The following CADPS variants were observed in gnomAD, a reference collection of about 807,000 sequenced individuals.
The protein encoded by CADPS is calcium-dependent secretion activator 1.
CADPS carries 57 observed loss-of-function variants against 167.3 expected under a neutral mutation model. The observed-to-expected ratio is 0.34, with a 90% confidence interval of 0.28 to 0.42. The LOEUF is 0.42. Among genes scored for constraint, CADPS ranks in the 20% least tolerant of loss-of-function variants. The probability of loss-of-function intolerance (pLI) is 1.00; values close to 1 mark genes in which losing one functional copy is unlikely to be tolerated. For synonymous variants in CADPS, 676 were observed against 635.3 expected (o/e 1.06, Z -0.96); for missense variants, 1,414 against 1,738.1 (o/e 0.81, Z 3.32).
intron 24 of CADPS, chr3:62,466,723 T>C (rs113460023): frequency 2.8e-6 from 1 of 361,728 alleles, no homozygotes; most frequent in African/African-American, 2.1e-5. Flanking sequence ...GTGTGTTGAT[T>C]TGGATCTTAC....
intron 27 of CADPS, among the ~76,000 whole-genome samples, chr3:62,445,422 C>A (rs2057039259): frequency 6.6e-6 from 1 of 152,088 alleles, no homozygotes; most frequent in African/African-American, 2.4e-5. Flanking sequence ...AGCTTCATGG[C>A]TTTCCTCTGA....
At chr3:62,406,069 A>C (rs898549861) in intron 28 of CADPS, among the ~76,000 whole-genome samples, 1 of 152,262 alleles carries the variant, frequency 6.6e-6, no homozygotes, top group Non-Finnish European at 1.5e-5. Flanking sequence ...TAGCCACAGC[A>C]TTGAAAGAGC....
At chr3:62,402,048 A>G (rs960333597) in intron 29 of CADPS, among the ~76,000 whole-genome samples, 1 of 152,138 alleles carries the variant, frequency 6.6e-6, no homozygotes, top group Non-Finnish European at 1.5e-5. Context: ...CTAAGTGTAT[A>G]CATTCGTTTT....
chr3:62,777,963 C>G (rs1247233696), intron 1 of CADPS, among the ~76,000 whole-genome samples: 6 of 152,176 alleles, frequency 3.9e-5, no homozygotes, highest in African/African-American at 1.4e-4. Flanking sequence ...GTTTCAGAGA[C>G]TTTTCTCCAC....
At chr3:62,580,130 T>G (rs1485156579) in intron 8 of CADPS, among the ~76,000 whole-genome samples, 1 of 152,170 alleles carries the variant, frequency 6.6e-6, no homozygotes, top group Non-Finnish European at 1.5e-5. Flanking sequence ...TAAAGACACA[T>G]GCACACGTAT....
intron 1 of CADPS, among the ~76,000 whole-genome samples, chr3:62,860,550 A>AT (rs1216666229): frequency 6.6e-6 from 1 of 152,124 alleles, no homozygotes; most frequent in African/African-American, 2.4e-5. Context: ...TCCTGCTAAT[A>AT]TTATATTTTC....
At chr3:62,419,991 C>G (rs901156370) in intron 28 of CADPS, among the ~76,000 whole-genome samples, 4 of 152,072 alleles carry the variant, frequency 2.6e-5, no homozygotes, top group African/African-American at 9.7e-5. Flanking sequence ...TAGGAAAATT[C>G]AAATTGACTT....
At chr3:62,820,760 C>A (rs1408546056) in intron 1 of CADPS, among the ~76,000 whole-genome samples, 2 of 151,366 alleles carry the variant, frequency 1.3e-5, no homozygotes, top group South Asian at 2.1e-4. Context: ...CTTTACTAGA[C>A]AATTCCTACT....
intron 1 of CADPS, among the ~76,000 whole-genome samples, chr3:62,863,978 C>A (rs2081258138): frequency 6.6e-6 from 1 of 152,156 alleles, no homozygotes; most frequent in East Asian, 1.9e-4. Context: ...AATGCTCCTC[C>A]AAGTGTGCTC....
Position 62,715,960 on chromosome 3 carries a change from T to A in CADPS, c.888+37481A>T, listed in dbSNP as rs539095520. 8.0e-4 allele frequency among the ~76,000 whole-genome samples: 122 copies of A among 152,072 alleles called. 1 individual carries two copies. The South Asian group carries it at 9.1e-3, about 11-fold the overall frequency. On this transcript the variant is annotated intron_variant, in intron 3 of 29. Coordinates refer to ENST00000383710, the MANE Select transcript of CADPS (RefSeq NM_003716.4). ...CGGGGTTTCATCATGTTAGCCAGGA[T>A]GGTCTCGATCTCCTGACCTCATGAT...
intron 1 of CADPS, among the ~76,000 whole-genome samples, chr3:62,835,882 CTGGGGGAGTCA>C (rs1240020619): frequency 6.6e-6 from 1 of 152,142 alleles, no homozygotes; most frequent in African/African-American, 2.4e-5. Flanking sequence ...ATTTTTGTTA[CTGGGGGAGTCA>C]AACACATTAG....
chr3:62,587,060 C>T (rs151109963), intron 7 of CADPS, among the ~76,000 whole-genome samples: 55 of 152,306 alleles, frequency 3.6e-4, no homozygotes, highest in Non-Finnish European at 6.3e-4. Context: ...CATCTGATTA[C>T]ATTGGCATTG....
At chr3:62,646,641 A>G (rs72874464) in intron 5 of CADPS, among the ~76,000 whole-genome samples, 4,715 of 152,318 alleles carry the variant, frequency 0.031, 249 homozygotes, top group African/African-American at 0.1. Context: ...AGGGATTAGC[A>G]GGGACTATGA....
chr3:62,667,792 T>C (rs945011407), intron 3 of CADPS, among the ~76,000 whole-genome samples: 1 of 150,654 alleles, frequency 6.6e-6, no homozygotes, highest in African/African-American at 2.4e-5. Context: ...AGACAGAATT[T>C]TGGGGGTGGG....
chr3:62,784,276 C>T (rs919489746), intron 1 of CADPS, among the ~76,000 whole-genome samples: 4 of 152,140 alleles, frequency 2.6e-5, no homozygotes, highest in Admixed American at 2.0e-4. Context: ...AAATGATCAC[C>T]TTCCAAGGAT....
At chr3:62,566,395 T>C (rs1053998966) in intron 9 of CADPS, among the ~76,000 whole-genome samples, 19 of 142,216 alleles carry the variant, frequency 1.3e-4, no homozygotes, top group Middle Eastern at 7.1e-3. Context: ...TGGGGGCCAA[T>C]TGCCACCGCT....
At chr3:62,571,018 G>A (rs2081191120) in intron 8 of CADPS, 80 bp from the exon 9 acceptor site, 1 of 971,890 alleles carries the variant, frequency 1.0e-6, no homozygotes, top group South Asian at 1.3e-5. Context: ...GTGAAGCTTG[G>A]TACTTATAAA....
At chr3:62,670,649 A>T (rs1432673164) in intron 3 of CADPS, among the ~76,000 whole-genome samples, 1 of 152,110 alleles carries the variant, frequency 6.6e-6, no homozygotes, top group Non-Finnish European at 1.5e-5. Context: ...CTCCAAATGC[A>T]GCAATTTTCT....
intron 6 of CADPS, among the ~76,000 whole-genome samples, chr3:62,600,168 TGAGCAG>T (rs2059752358): frequency 6.7e-6 from 1 of 149,162 alleles, no homozygotes; most frequent in Non-Finnish European, 1.5e-5. Context: ...TTTTTTTTTT[TGAGCAG>T]ACAAACTCTC....
Sources: gnomAD v4.1 joint callset for allele counts (sites outside exome capture counted in the v4.1 genomes callset) on GRCh38, gnomAD v4.1.1 for gene constraint, MANE v1.5 for transcripts, NCBI Gene and HGNC (gene_info 2026-07-23, HGNC 2026-07-21) for gene names.